TUSC3: variants seen among roughly 807,000 people sequenced by gnomAD.
TUSC3 encodes tumor suppressor candidate 3.
TUSC3 carries 45 observed loss-of-function variants against 44.8 expected under a neutral mutation model. The ratio of observed to expected loss-of-function variants is 1.00; its 90% CI spans 0.79 to 1.29. The LOEUF (loss-of-function observed/expected upper bound fraction) is 1.29. TUSC3 is among the 50% of genes most tolerant of loss of function. The pLI, the probability that TUSC3 is intolerant of heterozygous loss-of-function variation, is 0.00. For missense variants in TUSC3, 519 were observed against 437.9 expected, an observed-to-expected ratio of 1.19 and a Z score of -1.65; for synonymous variants, 212 against 152.9, an observed-to-expected ratio of 1.39 and a Z score of -2.85.
intron 1 of TUSC3, among the ~76,000 whole-genome samples, chr8:15,596,987 G>A (rs981883041): frequency 3.3e-5 from 5 of 152,130 alleles, no homozygotes; most frequent in African/African-American, 9.7e-5. Context: ...AGCACCAGTT[G>A]AAAGTTAATA....
At chr8:15,591,353 C>G (rs571535363) in intron 1 of TUSC3, among the ~76,000 whole-genome samples, 8 of 150,630 alleles carry the variant, frequency 5.3e-5, no homozygotes, top group Admixed American at 4.6e-4. Context: ...TAGGCTTTCT[C>G]CTATAAAACA....
chr8:15,543,195 A>C (rs1801747610), intron 1 of TUSC3, among the ~76,000 whole-genome samples: 1 of 152,180 alleles, frequency 6.6e-6, no homozygotes, highest in South Asian at 2.1e-4. Context: ...GGCACAATGG[A>C]ACCTGGAAGT....
chr8:15,836,053 G>C, the TUSC3 span, among the ~76,000 whole-genome samples: 1 of 151,630 alleles, frequency 6.6e-6, no homozygotes, highest in South Asian at 2.1e-4. Context: ...AACTTAACTT[G>C]GTCTTATATT....
intron 1 of TUSC3, among the ~76,000 whole-genome samples, chr8:15,479,696 A>T (rs1800632327): frequency 1.3e-5 from 2 of 152,184 alleles, no homozygotes; most frequent in Admixed American, 1.3e-4. Context: ...CTTGTAGTAT[A>T]ATTTGAAGTC....
At chr8:15,694,044 G>C (rs1423368012) in intron 6 of TUSC3, among the ~76,000 whole-genome samples, 3 of 151,902 alleles carry the variant, frequency 2.0e-5, no homozygotes, top group Non-Finnish European at 4.4e-5. Flanking sequence ...TAGTTTTATT[G>C]TATTCCTTAG....
Position 15,479,670 on chromosome 8 carries a change from G to A in TUSC3, n.92-3716G>A, listed in dbSNP as rs150010032. Reference sequence around the variant, plus strand: ...GTCTGTTTTGTACCAGTACCATGCTGTTTTGGTTACTATACCTTGTAGTAT... The same window carrying A: ...GTCTGTTTTGTACCAGTACCATGCTATTTTGGTTACTATACCTTGTAGTAT... On this transcript the variant is annotated intron_variant and non_coding_transcript_variant, in intron 1 of 5. Transcript: ENST00000503191. Among the ~76,000 whole-genome samples the A allele has an allele frequency of 6.6e-5, 10 of 152,246 alleles. No individual in the cohort carries two copies. In the East Asian group the frequency reaches 1.9e-3, roughly 29 times the overall value.
chr8:15,417,662 T>C (rs2129114401), intron 1 of TUSC3, among the ~76,000 whole-genome samples: 1 of 152,326 alleles, frequency 6.6e-6, no homozygotes, highest in African/African-American at 2.4e-5. Flanking sequence ...TTGCTGCATA[T>C]TCACATGTGA....
intron 2 of TUSC3, among the ~76,000 whole-genome samples, chr8:15,521,388 G>A (rs1246863266): frequency 2.0e-5 from 3 of 152,048 alleles, no homozygotes; most frequent in Non-Finnish European, 4.4e-5. Context: ...AGGAGTGAGG[G>A]GCAGCAGGAA....
Position 15,765,564 on chromosome 8 carries a change from C to A in TUSC3, c.*1408C>A, listed in dbSNP as rs1812304629. ...CTGGGGCATGTTTATCAAGTTATAT[C>A]CCAGGGCAATGTGTATGCTAGCAGG... On this transcript the variant is annotated 3_prime_UTR_variant, in exon 11 of 11. Coordinates refer to ENST00000503731, the MANE Select transcript of TUSC3 (RefSeq NM_006765.4). 6.6e-6 allele frequency: 1 copy of A among 151,914 alleles called. No homozygotes were observed. The allele number at this position is 151,914 out of a possible 1,614,324, so 9.4% of individuals were successfully genotyped here.
At chr8:15,767,189 C>A (rs927433716), downstream of TUSC3, among the ~76,000 whole-genome samples, 1 of 151,972 alleles carries the variant, frequency 6.6e-6, no homozygotes, top group Non-Finnish European at 1.5e-5. Context: ...GAGCATCTGC[C>A]ATTTATGAAT....
chr8:15,519,157 G>A (rs982772545), intron 2 of TUSC3, among the ~76,000 whole-genome samples: 1 of 152,072 alleles, frequency 6.6e-6, no homozygotes, highest in Non-Finnish European at 1.5e-5. Flanking sequence ...ATTGTTGAAG[G>A]ATGATGGAGA....
intron 2 of TUSC3, among the ~76,000 whole-genome samples, chr8:15,488,712 T>A (rs1169860848): frequency 6.6e-6 from 1 of 152,060 alleles, no homozygotes; most frequent in Non-Finnish European, 1.5e-5. Context: ...TCATTTTCTT[T>A]CTCTCCCATA....
At chr8:15,618,008 A>C (rs2129162097) in intron 1 of TUSC3, among the ~76,000 whole-genome samples, 1 of 152,336 alleles carries the variant, frequency 6.6e-6, no homozygotes, top group Admixed American at 6.5e-5. Context: ...CACAATAAGA[A>C]GTATTTATGT....
intron 1 of TUSC3, among the ~76,000 whole-genome samples, chr8:15,619,579 C>T (rs1805150512): frequency 6.6e-6 from 1 of 152,054 alleles, no homozygotes; most frequent in South Asian, 2.1e-4. Flanking sequence ...GCAAGCTCCA[C>T]TTCCTGGGTT....
intron 1 of TUSC3, among the ~76,000 whole-genome samples, chr8:15,591,630 T>C (rs1298051655): frequency 6.6e-6 from 1 of 152,160 alleles, no homozygotes; most frequent in East Asian, 1.9e-4. Context: ...GAGGGAGTGA[T>C]TGGGAAAAGC....
At chr8:15,751,960 T>C (rs2129220129) in intron 9 of TUSC3, among the ~76,000 whole-genome samples, 1 of 152,298 alleles carries the variant, frequency 6.6e-6, no homozygotes, top group Non-Finnish European at 1.5e-5. Flanking sequence ...CACAATTGCC[T>C]CTCAGTTTTA....
At chr8:15,807,891 T>G in the TUSC3 span, among the ~76,000 whole-genome samples, 13,383 of 151,998 alleles carry the variant, frequency 0.088, 722 homozygotes, top group Middle Eastern at 0.16. Flanking sequence ...AAAGCAAGAG[T>G]TGCAAACCTA....
chr8:15,705,854 A>C (rs950284240), intron 6 of TUSC3, among the ~76,000 whole-genome samples: 5 of 151,996 alleles, frequency 3.3e-5, no homozygotes, highest in Non-Finnish European at 5.9e-5. Context: ...TACAACTTAC[A>C]TATTATCAGA....
In TUSC3 at chr8:15,710,043, G is replaced by C. The variant is rs533890238; in HGVS notation, c.799-20623G>C. Among the ~76,000 whole-genome samples the C allele has an allele frequency of 7.9e-5, 12 of 151,866 alleles. No individual in the cohort carries two copies. The South Asian group carries it at 2.5e-3, about 32-fold the overall frequency. Reference sequence around the variant, plus strand: ...ATGTAGTGACAGCCTCTTCCCTCCTGGTGGACTTATCTACAGTCTATACTG... The same window carrying C: ...ATGTAGTGACAGCCTCTTCCCTCCTCGTGGACTTATCTACAGTCTATACTG... On this transcript the variant is annotated intron_variant, in intron 6 of 10. Transcript: ENST00000503731.
Sources: gnomAD v4.1 joint callset for allele counts (sites outside exome capture counted in the v4.1 genomes callset) on GRCh38, gnomAD v4.1.1 for gene constraint, MANE v1.5 for transcripts, NCBI Gene and HGNC (gene_info 2026-07-23, HGNC 2026-07-21) for gene names.